Variants in IBTK observed in about 807,000 individuals in gnomAD.
IBTK encodes BTK-binding protein.
IBTK carries 83 observed loss-of-function variants against 154.9 expected under a neutral mutation model. That is an observed-to-expected ratio of 0.54 (90% CI 0.45 to 0.64). The LOEUF (loss-of-function observed/expected upper bound fraction) is 0.64, where lower values mean the gene tolerates loss of function less well. Among genes scored for constraint, IBTK ranks in the 30% least tolerant of loss-of-function variants. The probability of loss-of-function intolerance (pLI) is 0.00; values close to 1 mark genes in which losing one functional copy is unlikely to be tolerated. For synonymous variants in IBTK, 515 were observed against 536.1 expected (o/e 0.96, Z 0.54); for missense variants, 1,332 against 1,584.6 (o/e 0.84, Z 2.71).
chr6:82,239,627 G>C lies in IBTK; in HGVS notation c.321+539C>G, dbSNP rs558623653. ...CAGTAAACAGTAAAATGAAACTAGA[G>C]TCTTTACCAATCAGAAACCACCAAC... is the stretch of plus-strand genomic sequence containing the variant. On this transcript the variant is annotated intron_variant, in intron 2 of 28. Transcript: ENST00000306270. Among the ~76,000 whole-genome samples the C allele has an allele frequency of 2.7e-5, 3 of 111,966 alleles. No individual in the cohort carries two copies. In the East Asian group the frequency reaches 7.7e-4, roughly 29 times the overall value. 73.5% of individuals were successfully genotyped at this position (111,966 alleles called of 152,430 possible).
At chr6:82,188,247 A>C (rs1768628000) in intron 25 of IBTK, among the ~76,000 whole-genome samples, 1 of 152,218 alleles carries the variant, frequency 6.6e-6, no homozygotes, top group Non-Finnish European at 1.5e-5. Context: ...AAATAAAATA[A>C]AACACATATA....
At chr6:82,227,029 T>C in intron 5 of IBTK, 163 bp downstream of exon 5, 1 of 518,902 alleles carries the variant, frequency 1.9e-6, no homozygotes, top group Non-Finnish European at 3.4e-6. Flanking sequence ...TGTAAATCCT[T>C]AATTTAAACA....
chr6:82,176,603 T>C (rs1768127555), intron 26 of IBTK, among the ~76,000 whole-genome samples: 1 of 145,210 alleles, frequency 6.9e-6, no homozygotes, highest in African/African-American at 2.6e-5. Context: ...GAAAGGAAAA[T>C]GAGAAATAAA....
At chr6:82,174,816 G>A (rs1453570898) in intron 26 of IBTK, 2 of 364,624 alleles carry the variant, frequency 5.5e-6, no homozygotes, top group East Asian at 1.4e-4. Flanking sequence ...TGATTAACAA[G>A]TTAGATAAGT....
intron 1 of IBTK, among the ~76,000 whole-genome samples, chr6:82,242,482 G>A (rs1394136879): frequency 6.6e-6 from 1 of 151,680 alleles, no homozygotes; most frequent in East Asian, 1.9e-4. Context: ...AAAAGTAATG[G>A]CGATTATTTT....
chr6:82,186,194 C>T (rs896737265), intron 25 of IBTK, among the ~76,000 whole-genome samples: 1 of 152,148 alleles, frequency 6.6e-6, no homozygotes, highest in African/African-American at 2.4e-5. Context: ...CCTCCTTAGG[C>T]CTCCCTATTT....
chr6:82,191,602 A>G (rs1336626357), intron 24 of IBTK, 185 bp downstream of exon 24: 1 of 670,682 alleles, frequency 1.5e-6, no homozygotes, highest in Non-Finnish European at 2.7e-6. Flanking sequence ...TGGATTATCA[A>G]CTCAACTCTA....
chr6:82,197,538 T>C (rs904867099), intron 21 of IBTK, among the ~76,000 whole-genome samples: 4 of 151,846 alleles, frequency 2.6e-5, no homozygotes, highest in Non-Finnish European at 5.9e-5. Flanking sequence ...CCCGGCTAAT[T>C]TTTTTTGTAT....
At chr6:82,182,510 T>C (rs572840664) in intron 25 of IBTK, among the ~76,000 whole-genome samples, 1 of 152,104 alleles carries the variant, frequency 6.6e-6, no homozygotes, top group Admixed American at 6.5e-5. Flanking sequence ...TAGTGAGTTA[T>C]AAGATAAAAT....
intron 22 of IBTK, among the ~76,000 whole-genome samples, chr6:82,196,074 C>T (rs985234865): frequency 6.6e-6 from 1 of 151,956 alleles, no homozygotes; most frequent in Admixed American, 6.6e-5. Flanking sequence ...ATTTTAGTTG[C>T]ACAAAGACTA....
At chr6:82,223,657 C>T in intron 7 of IBTK, 37 bp from the exon 8 acceptor site, 1 of 1,565,772 alleles carries the variant, frequency 6.4e-7, no homozygotes. Context: ...CACAAAATAG[C>T]TCTTTTAAGA....
intron 3 of IBTK, among the ~76,000 whole-genome samples, chr6:82,233,611 A>G (rs1239827072): frequency 6.6e-6 from 1 of 151,440 alleles, no homozygotes; most frequent in Non-Finnish European, 1.5e-5. Context: ...TTCTTTGCAG[A>G]TAGCCACACA....
intron 16 of IBTK, chr6:82,205,169 T>C (rs887996455): frequency 3.0e-6 from 1 of 335,752 alleles, no homozygotes. Flanking sequence ...TATATTTCTA[T>C]TTTTTAGGTA....
At chr6:82,178,933 T>C (rs1427511322) in intron 26 of IBTK, among the ~76,000 whole-genome samples, 1 of 152,244 alleles carries the variant, frequency 6.6e-6, no homozygotes, top group African/African-American at 2.4e-5. Context: ...TTAAAGACAG[T>C]TGGCAGGAGC....
In IBTK at chr6:82,191,783, C is replaced by A; in HGVS notation, c.3431+4G>T. The A allele has an allele frequency of 1.3e-6, 2 of 1,542,578 alleles. No homozygotes were observed. Among genetic ancestry groups the A allele is most frequent in the Non-Finnish European group, 9.0e-7 (1 of 1,115,798 alleles). On this transcript the variant is annotated splice_donor_region_variant and intron_variant, in intron 24 of 28. Transcript: ENST00000306270. ...AATGATCTTTTGTAATGTTTTCAACCCACCCTAAATGTGACTTTGGTGTAG... is the reference window on the plus strand; with the variant it reads ...AATGATCTTTTGTAATGTTTTCAACACACCCTAAATGTGACTTTGGTGTAG...
chr6:82,246,688 T>C (rs1025887404), intron 1 of IBTK, among the ~76,000 whole-genome samples: 6 of 152,140 alleles, frequency 3.9e-5, no homozygotes, highest in Non-Finnish European at 4.4e-5. Flanking sequence ...ACCAGTTTTG[T>C]CCTCATCTAC....
At chr6:82,181,189 A>G (rs1457816990) in intron 26 of IBTK, among the ~76,000 whole-genome samples, 1 of 152,202 alleles carries the variant, frequency 6.6e-6, no homozygotes, top group Non-Finnish European at 1.5e-5. Context: ...CAGGGGTTTG[A>G]GACCAGCCTG....
intron 2 of IBTK, among the ~76,000 whole-genome samples, 193 bp from the exon 3 acceptor site, chr6:82,234,448 C>T (rs1770642787): frequency 6.6e-6 from 1 of 151,792 alleles, no homozygotes; most frequent in African/African-American, 2.4e-5. Context: ...AAGCAATTCT[C>T]TTGCCTCAGC....
chr6:82,216,759 T>C (rs951697801), intron 10 of IBTK, among the ~76,000 whole-genome samples: 4 of 152,116 alleles, frequency 2.6e-5, no homozygotes, highest in African/African-American at 7.2e-5. Flanking sequence ...TCTGGTGATA[T>C]AGTAGTGAAG....
Sources: gnomAD v4.1 joint callset for allele counts (sites outside exome capture counted in the v4.1 genomes callset) on GRCh38, gnomAD v4.1.1 for gene constraint, MANE v1.5 for transcripts, NCBI Gene and HGNC (gene_info 2026-07-23, HGNC 2026-07-21) for gene names.